The following DHX35 variants were observed in gnomAD, a reference collection of about 807,000 sequenced individuals.
DHX35 encodes DEAH-box helicase 35, also known as probable ATP-dependent RNA helicase DHX35.
DHX35 carries 84 observed loss-of-function variants against 99.6 expected under a neutral mutation model. The ratio of observed to expected loss-of-function variants is 0.84; its 90% CI spans 0.71 to 1.01. The LOEUF is 1.01. Ranked by LOEUF, DHX35 falls within the 50% of genes least tolerant of loss-of-function variation. DHX35 has a pLI of 0.00. For missense variants in DHX35, 852 were observed against 888.5 expected, an observed-to-expected ratio of 0.96 and a Z score of 0.52; for synonymous variants, 331 against 316.2, an observed-to-expected ratio of 1.05 and a Z score of -0.50.
intron 3 of DHX35, among the ~76,000 whole-genome samples, chr20:38,977,262 G>T (rs923309654): frequency 6.6e-6 from 1 of 151,968 alleles, no homozygotes. Flanking sequence ...ATTTGCTGTC[G>T]TTCATCTTTT....
chr20:39,002,940 C>T (rs2086545795), intron 10 of DHX35, 72 bp downstream of exon 10: 1 of 1,274,360 alleles, frequency 7.8e-7, no homozygotes. Flanking sequence ...AGCCTTGTTA[C>T]TTTACTCAGT....
At chr20:39,031,137 G>A (rs2087043048) in intron 20 of DHX35, among the ~76,000 whole-genome samples, 1 of 151,922 alleles carries the variant, frequency 6.6e-6, no homozygotes, top group South Asian at 2.1e-4. Context: ...ACTCTAGCCT[G>A]GGTGACAGAG....
chr20:38,982,922 CA>C (rs969437387), intron 3 of DHX35, among the ~76,000 whole-genome samples: 68 of 150,214 alleles, frequency 4.5e-4, no homozygotes, highest in African/African-American at 1.6e-3. Context: ...TACACTTAAT[CA>C]AATTTTTTTT....
At chr20:38,993,225 A>C (rs537492348) in intron 7 of DHX35, among the ~76,000 whole-genome samples, 2 of 152,370 alleles carry the variant, frequency 1.3e-5, no homozygotes, top group African/African-American at 2.4e-5. Context: ...AGTAGTCTCT[A>C]TATCTGTGCT....
chr20:38,972,525 A>G, intron 2 of DHX35, 34 bp from the exon 3 acceptor site: 1 of 1,369,978 alleles, frequency 7.3e-7, no homozygotes, highest in Admixed American at 1.7e-5. Flanking sequence ...GAGACAATGT[A>G]TGGCTATTTG....
Position 39,002,886 on chromosome 20 carries a change from C to G in DHX35, c.852+18C>G, listed in dbSNP as rs1291392675. The G allele has an allele frequency of 1.2e-6, 2 of 1,600,140 alleles. No individual in the cohort carries two copies. Among genetic ancestry groups the G allele is most frequent in the Non-Finnish European group, 1.7e-6 (2 of 1,167,488 alleles). On this transcript the variant is annotated intron_variant, in intron 10 of 21. Coordinates refer to ENST00000252011, the MANE Select transcript of DHX35 (RefSeq NM_021931.4). ...CTGGCCAGGTAATGCCACTGTACTT[C>G]TCTGATGAATAGACATGTTAAGACA...
rs2087051323 is a variant in DHX35, at chr20:39,031,420, T to C, written c.1955+645T>C. Among the ~76,000 whole-genome samples the C allele has an allele frequency of 2.0e-5, 3 of 148,610 alleles. No individual in the cohort carries two copies. In the South Asian group the frequency reaches 6.6e-4, roughly 33 times the overall value. ...GGCGCTATCTTGGCTCACTGCAACCTCTGCCTCCCAGGTCCACGTGATTCT... is the reference window on the plus strand; with the variant it reads ...GGCGCTATCTTGGCTCACTGCAACCCCTGCCTCCCAGGTCCACGTGATTCT... On this transcript the variant is annotated intron_variant, in intron 20 of 21. Transcript: ENST00000252011.
At chr20:39,037,528 A>G (rs1294364962) in intron 21 of DHX35, among the ~76,000 whole-genome samples, 2 of 151,654 alleles carry the variant, frequency 1.3e-5, no homozygotes, top group African/African-American at 4.8e-5. Flanking sequence ...CCATTTTTTC[A>G]GGGCCTGCAG....
intron 19 of DHX35, chr20:39,029,317 T>C (rs1465889361): frequency 1.3e-5 from 2 of 151,928 alleles, no homozygotes; most frequent in Non-Finnish European, 2.9e-5. Flanking sequence ...AGAGAAAATA[T>C]TACTGCCCTG....
At position 38,976,639 on chromosome 20, in the gene DHX35, G is replaced by A. The variant is rs2086083627; in HGVS notation, c.267+3988G>A. Among the ~76,000 whole-genome samples the A allele has an allele frequency of 2.0e-5, 3 of 151,956 alleles. No homozygotes were observed. The South Asian group carries it at 6.2e-4, about 32-fold the overall frequency. ...TCCCTTAGCTATTTTGAAGTCTATG[G>A]CACATTATTGTTAACTATAGTCACT... On this transcript the variant is annotated intron_variant, in intron 3 of 21. Coordinates refer to ENST00000252011, the MANE Select transcript of DHX35 (RefSeq NM_021931.4).
chr20:38,964,025 T>C (rs1040200900), intron 1 of DHX35, among the ~76,000 whole-genome samples: 2 of 152,226 alleles, frequency 1.3e-5, no homozygotes, highest in South Asian at 4.1e-4. Flanking sequence ...CCCAAAGTAG[T>C]GTTGTGAGGT....
chr20:39,033,638 CAG>C (rs373756606), intron 20 of DHX35, among the ~76,000 whole-genome samples: 31 of 152,310 alleles, frequency 2.0e-4, no homozygotes, highest in African/African-American at 7.0e-4. Context: ...CACCTAAAAT[CAG>C]GGGACTGGAT....
At chr20:38,976,942 T>C (rs2086088929) in intron 3 of DHX35, among the ~76,000 whole-genome samples, 1 of 152,210 alleles carries the variant, frequency 6.6e-6, no homozygotes, top group African/African-American at 2.4e-5. Context: ...ATTTCATTCT[T>C]TTTTATGACT....
chr20:39,004,444 C>T (rs1274659932), intron 11 of DHX35, among the ~76,000 whole-genome samples: 1 of 152,204 alleles, frequency 6.6e-6, no homozygotes, highest in East Asian at 1.9e-4. Context: ...CTCTTTTCTT[C>T]TCTTCTGCCT....
chr20:38,986,406 A>G (rs1308142647), intron 4 of DHX35, among the ~76,000 whole-genome samples: 1 of 152,212 alleles, frequency 6.6e-6, no homozygotes, highest in African/African-American at 2.4e-5. Flanking sequence ...TTTATAGCAA[A>G]TGTATTCAAA....
intron 15 of DHX35, among the ~76,000 whole-genome samples, chr20:39,021,099 G>A (rs750369414): frequency 3.3e-5 from 5 of 152,318 alleles, no homozygotes; most frequent in East Asian, 3.9e-4. Flanking sequence ...GTTTCCAGGC[G>A]TTCCAGCAGC....
rs1218440313 is a variant in DHX35 at position 38,962,387 on chromosome 20, C to T, written c.20C>T (p.Pro7Leu). ...CCCAACATGGCTGCGCCCGTGGGAC[C>T]GGTGAAGTTCTGGCGACCCGGTAAG... is the stretch of plus-strand genomic sequence containing the variant. MAAPVGPVKFWRPGTEG... is the reference protein window; with the variant it reads MAAPVGLVKFWRPGTEG... The change falls in exon 1 of 22, where the codon CCG becomes CTG. Residue 7 changes from proline (P) to leucine (L), a missense_variant. Coordinates refer to ENST00000252011, the MANE Select transcript of DHX35 (RefSeq NM_021931.4). 3 of 1,612,902 alleles carry T rather than the reference C, an allele frequency of 1.9e-6. No individual in the cohort carries two copies. Among genetic ancestry groups the T allele is most frequent in the South Asian group, 2.2e-5 (2 of 90,930 alleles).
Position 39,039,529 on chromosome 20 carries a change from T to G in DHX35, c.*986T>G, listed in dbSNP as rs1369790734. 6.6e-6 allele frequency: 1 copy of G among 152,304 alleles called. No homozygotes were observed. Among genetic ancestry groups the G allele is most frequent in the Admixed American group, 6.5e-5 (1 of 15,284 alleles). The allele number at this position is 152,304 out of a possible 1,614,324, so 9.4% of individuals were successfully genotyped here. On this transcript the variant is annotated 3_prime_UTR_variant, in exon 22 of 22. Coordinates refer to ENST00000252011, the MANE Select transcript of DHX35 (RefSeq NM_021931.4). ...CAGATGCAGATTTTTTCCCCCTTAC[T>G]GTTTCAATGACCTTTATTTTAAAAA...
intron 7 of DHX35, 56 bp downstream of exon 7, chr20:38,992,481 A>G: frequency 6.5e-7 from 1 of 1,542,414 alleles, no homozygotes; most frequent in African/African-American, 1.4e-5. Context: ...GCCTAATTAC[A>G]AAAGCAACTG....
Sources: gnomAD v4.1 joint callset for allele counts (sites outside exome capture counted in the v4.1 genomes callset) on GRCh38, gnomAD v4.1.1 for gene constraint, MANE v1.5 for transcripts, NCBI Gene and HGNC (gene_info 2026-07-23, HGNC 2026-07-21) for gene names.